Variants in CPED1 observed in about 807,000 individuals in gnomAD.
CPED1 encodes the protein cadherin-like and PC-esterase domain-containing protein 1.
In CPED1, 114 loss-of-function variants were observed where a neutral mutation model predicts 128.2. The observed-to-expected ratio is 0.89, with a 90% CI of 0.76 to 1.04. The LOEUF is 1.04. Among genes scored for constraint, CPED1 ranks in the 50% least tolerant of loss-of-function variants. The pLI, the probability that CPED1 is intolerant of heterozygous loss-of-function variation, is 0.00. For synonymous variants in CPED1, 462 were observed against 426.7 expected (o/e 1.08, Z -1.02); for missense variants, 1,211 against 1,207.1 (o/e 1.00, Z -0.05).
At position 121,266,301 on chromosome 7, in the gene CPED1, G is replaced by C; in HGVS notation, c.2385G>C (p.Gln795His). Reference sequence around the variant, plus strand: ...TTGAAAGGCTGAATGAAACGTTGCAGGAATGGCAGAAAGTACATGGCACTA... The same window carrying C: ...TTGAAAGGCTGAATGAAACGTTGCACGAATGGCAGAAAGTACATGGCACTA... ...YLIERLNETLQEWQKVHGTKF... is the reference protein window; with the variant it reads ...YLIERLNETLHEWQKVHGTKF... The change falls in exon 19 of 23, where the codon CAG becomes CAC. Residue 795 changes from glutamine (Q) to histidine (H), a missense_variant. Physicochemically the swap from Gln to His is conservative, Grantham distance 24. Transcript: ENST00000310396. 2 of 1,613,230 alleles carry C rather than the reference G, an allele frequency of 1.2e-6. No individual in the cohort carries two copies. Among genetic ancestry groups the C allele is most frequent in the Non-Finnish European group, 1.7e-6 (2 of 1,179,434 alleles).
rs759188958 is a variant in CPED1 at position 121,166,126 on chromosome 7, CAAAAAAAAACA to C, written c.2055+23997_2055+24007del. Among the ~76,000 whole-genome samples the C allele has an allele frequency of 4.7e-3, 544 of 116,262 alleles. 3 individuals are homozygous for C. Among genetic ancestry groups the C allele is most frequent in the African/African-American group, 0.014 (508 of 36,500 alleles). 76.3% of individuals were successfully genotyped at this position (116,262 alleles called of 152,430 possible). ...CAAGGGCCTGAGTGCATGGCAAAAACAAAAAAAAACAAAAAAAAAACATTTCACCAGAAGAC... is the reference window on the plus strand; with the variant it reads ...CAAGGGCCTGAGTGCATGGCAAAAACAAAAAAAAACATTTCACCAGAAGAC... On this transcript the variant is annotated intron_variant, in intron 16 of 22. Transcript: ENST00000310396.
intron 4 of CPED1, among the ~76,000 whole-genome samples, chr7:121,058,457 A>C (rs928914845): frequency 6.6e-6 from 1 of 152,172 alleles, no homozygotes; most frequent in Non-Finnish European, 1.5e-5. Flanking sequence ...AATGACAAAT[A>C]ATAATAGCTC....
At chr7:121,032,134 G>A (rs1032442345) in intron 3 of CPED1, among the ~76,000 whole-genome samples, 11 of 151,830 alleles carry the variant, frequency 7.2e-5, no homozygotes, top group Non-Finnish European at 4.4e-5. Flanking sequence ...CTTATTCTTG[G>A]GAACCAACGT....
At chr7:121,011,696 T>C (rs1792166062) in intron 2 of CPED1, among the ~76,000 whole-genome samples, 1 of 152,158 alleles carries the variant, frequency 6.6e-6, no homozygotes, top group South Asian at 2.1e-4. Flanking sequence ...TTCCAAGATA[T>C]GGGAGGCCCA....
At chr7:121,240,004 G>A (rs960438175) in intron 17 of CPED1, among the ~76,000 whole-genome samples, 4 of 152,114 alleles carry the variant, frequency 2.6e-5, no homozygotes, top group African/African-American at 9.7e-5. Context: ...AAGAGCACCA[G>A]TTTTGCAGAT....
intron 16 of CPED1, among the ~76,000 whole-genome samples, chr7:121,168,899 G>T (rs1032061948): frequency 1.3e-5 from 2 of 152,088 alleles, no homozygotes; most frequent in Admixed American, 6.5e-5. Flanking sequence ...CTTCAGTATG[G>T]CAAACTCTGC....
chr7:121,101,169 T>C (rs798938), intron 7 of CPED1, among the ~76,000 whole-genome samples: 136,014 of 152,012 alleles, frequency 0.89, 60,897 homozygotes, highest in Middle Eastern at 0.99. Flanking sequence ...CTCTGTACCA[T>C]GTCCCCAAAT....
intron 16 of CPED1, among the ~76,000 whole-genome samples, chr7:121,219,163 T>G (rs756931288): frequency 1.3e-5 from 2 of 152,020 alleles, no homozygotes; most frequent in African/African-American, 2.4e-5. Flanking sequence ...TATTTACCCA[T>G]CTGGATTCCA....
chr7:121,061,231 A>T (rs919867902), intron 4 of CPED1: 1 of 950,914 alleles, frequency 1.1e-6, no homozygotes, highest in Admixed American at 6.2e-5. Context: ...ATCTCTTCTA[A>T]TGCATATTCC....
At chr7:121,242,518 T>G (rs2116683450) in intron 17 of CPED1, among the ~76,000 whole-genome samples, 1 of 152,352 alleles carries the variant, frequency 6.6e-6, no homozygotes, top group East Asian at 1.9e-4. Context: ...CTTAATGTAT[T>G]AAACTTAAAT....
intron 16 of CPED1, among the ~76,000 whole-genome samples, chr7:121,207,186 T>C (rs1473313980): frequency 6.6e-6 from 1 of 152,028 alleles, no homozygotes; most frequent in Non-Finnish European, 1.5e-5. Context: ...TTTGCTACCA[T>C]AAATATTCCT....
Position 121,046,908 on chromosome 7 carries a change from T to G in CPED1, c.455T>G (p.Leu152Arg), listed in dbSNP as rs574435027. The G allele has an allele frequency of 1.2e-6, 2 of 1,611,956 alleles. No homozygotes were observed. Among genetic ancestry groups the G allele is most frequent in the East Asian group, 4.5e-5 (2 of 44,744 alleles). The change falls in exon 4 of 23, where the codon CTG (leucine) becomes CGG (arginine). Residue 152 changes from leucine (L) to arginine (R), a missense_variant. Leu to Arg is a moderately radical substitution (Grantham distance 102). Transcript: ENST00000310396. Reference sequence around the variant, plus strand: ...TTAGGTGATCTGGGCTCTTGGGATCTGCTCATTTGCCTGTCTTCTAAGAAA... The same window carrying G: ...TTAGGTGATCTGGGCTCTTGGGATCGGCTCATTTGCCTGTCTTCTAAGAAA... The part of the protein sequence containing the change: ...LEQGDLGSWD[L>R]LICLSSKKAE...
At chr7:121,018,828 T>C (rs904083900) in intron 3 of CPED1, among the ~76,000 whole-genome samples, 2 of 152,092 alleles carry the variant, frequency 1.3e-5, no homozygotes, top group African/African-American at 2.4e-5. Flanking sequence ...TTTCAAATTA[T>C]GCACGTTATA....
At chr7:121,228,643 G>A (rs903740330) in intron 16 of CPED1, among the ~76,000 whole-genome samples, 5 of 150,152 alleles carry the variant, frequency 3.3e-5, no homozygotes, top group African/African-American at 1.2e-4. Context: ...TCCACTACTG[G>A]GTATCTAACC....
intron 3 of CPED1, among the ~76,000 whole-genome samples, chr7:121,027,525 G>GA (rs1237799013): frequency 6.6e-6 from 1 of 151,356 alleles, no homozygotes; most frequent in Non-Finnish European, 1.5e-5. Flanking sequence ...TGGACTTTTG[G>GA]AAAAAAAATT....
intron 16 of CPED1, among the ~76,000 whole-genome samples, chr7:121,214,378 C>T (rs1489760167): frequency 6.6e-6 from 1 of 151,994 alleles, no homozygotes; most frequent in African/African-American, 2.4e-5. Flanking sequence ...CTGCAACCTC[C>T]GCCTCACAAG....
chr7:121,238,321 A>G (rs1482212036), intron 17 of CPED1, among the ~76,000 whole-genome samples: 2 of 152,020 alleles, frequency 1.3e-5, no homozygotes, highest in Non-Finnish European at 2.9e-5. Context: ...AATCTGGCCC[A>G]TTTCTATATT....
intron 1 of CPED1, 152 bp from the exon 2 acceptor site, chr7:120,989,239 T>C: frequency 4.9e-6 from 1 of 205,230 alleles, no homozygotes; most frequent in South Asian, 7.9e-5. Context: ...GTTTTCTCTC[T>C]TCCTGCAAAG....
At chr7:121,027,746 T>TAATAATAATA (rs1425062562) in intron 3 of CPED1, among the ~76,000 whole-genome samples, 1 of 103,674 alleles carries the variant, frequency 9.6e-6, no homozygotes, top group East Asian at 2.4e-4. Context: ...CCTTTAGTAA[T>TAATAATAATA]AATAATAATA....
Sources: gnomAD v4.1 joint callset for allele counts (sites outside exome capture counted in the v4.1 genomes callset) on GRCh38, gnomAD v4.1.1 for gene constraint, MANE v1.5 for transcripts, NCBI Gene and HGNC (gene_info 2026-07-23, HGNC 2026-07-21) for gene names.